RBFOX1: variants seen among roughly 807,000 people sequenced by gnomAD.
RBFOX1 encodes the protein RNA binding fox-1 homolog 1.
RBFOX1 carries 8 observed loss-of-function variants against 57.7 expected under a neutral mutation model. The observed-to-expected ratio is 0.14, with a 90% CI of 0.08 to 0.25. The LOEUF is 0.25. Ranked by LOEUF, RBFOX1 falls within the 10% of genes least tolerant of loss-of-function variation. The pLI, the probability that RBFOX1 is intolerant of heterozygous loss-of-function variation, is 1.00. For missense variants in RBFOX1, 611 were observed against 548.5 expected, an observed-to-expected ratio of 1.11 and a Z score of -1.14; for synonymous variants, 326 against 222.4, an observed-to-expected ratio of 1.47 and a Z score of -4.15.
At chr16:7,510,378 T>C in intron 4 of RBFOX1, 1 of 970,304 alleles carries the variant, frequency 1.0e-6, no homozygotes, top group South Asian at 4.8e-5. Context: ...AGCTGAAAGC[T>C]TTTCTTGTGT....
At chr16:7,203,541 G>C (rs567156646) in intron 4 of RBFOX1, among the ~76,000 whole-genome samples, 2 of 152,204 alleles carry the variant, frequency 1.3e-5, no homozygotes, top group African/African-American at 4.8e-5. Context: ...TAACTTTTAT[G>C]TTGTATTTGT....
At position 6,884,982 on chromosome 16, in the gene RBFOX1, C is replaced by G. The variant is rs11864120; in HGVS notation, c.-15-167075C>G. 5.6e-3 allele frequency among the ~76,000 whole-genome samples: 846 copies of G among 152,284 alleles called. 6 individuals are homozygous for G. Among genetic ancestry groups the G allele is most frequent in the African/African-American group, 0.018 (765 of 41,538 alleles). The stretch of plus-strand genomic sequence containing the variant: ...GACCGCAACCCAGATCTATCTTATT[C>G]TAAAGCTTTGGTTGTTTTCATTTCA... On this transcript the variant is annotated intron_variant, in intron 3 of 15. Transcript: ENST00000550418.
chr16:6,697,698 G>T (rs769307017), intron 3 of RBFOX1, among the ~76,000 whole-genome samples: 2 of 152,126 alleles, frequency 1.3e-5, no homozygotes, highest in Non-Finnish European at 2.9e-5. Context: ...AACAAATGAA[G>T]TTTGGGATGA....
chr16:7,091,334 C>G (rs1395849878), intron 4 of RBFOX1, among the ~76,000 whole-genome samples: 1 of 150,834 alleles, frequency 6.6e-6, no homozygotes, highest in African/African-American at 2.4e-5. Flanking sequence ...TTCACTTTAT[C>G]GTTTCACACT....
chr16:5,852,050 A>G (rs894731529), intron 3 of RBFOX1, among the ~76,000 whole-genome samples: 2 of 152,226 alleles, frequency 1.3e-5, no homozygotes, highest in Non-Finnish European at 2.9e-5. Flanking sequence ...GGGGTGTGAT[A>G]AGGATCAATT....
chr16:7,450,438 T>C (rs1201012289), intron 4 of RBFOX1, among the ~76,000 whole-genome samples: 2 of 147,034 alleles, frequency 1.4e-5, no homozygotes, highest in Non-Finnish European at 3.0e-5. Context: ...GAAAGCAAGT[T>C]CAAAAAGGAG....
At chr16:6,559,108 CAT>C (rs1016906090) in intron 2 of RBFOX1, among the ~76,000 whole-genome samples, 191 of 105,252 alleles carry the variant, frequency 1.8e-3, no homozygotes, top group African/African-American at 8.1e-3. Context: ...TTTATATATA[CAT>C]ATGTGTGTGT....
At chr16:5,541,979 G>A (rs1231679050) in intron 2 of RBFOX1, among the ~76,000 whole-genome samples, 1 of 151,944 alleles carries the variant, frequency 6.6e-6, no homozygotes, top group Non-Finnish European at 1.5e-5. Context: ...TGAGATTTTG[G>A]TGCACCATCA....
At chr16:5,641,050 GCACATACACCCATGCACACCATA>G (rs2048852989) in intron 3 of RBFOX1, among the ~76,000 whole-genome samples, 1 of 140,880 alleles carries the variant, frequency 7.1e-6, no homozygotes, top group Non-Finnish European at 1.5e-5. Context: ...ACACACATAT[GCACATACACCCATGCACACCATA>G]CACACACACA....
chr16:5,300,186 T>C (rs1212487877), intron 1 of RBFOX1, among the ~76,000 whole-genome samples: 4 of 152,206 alleles, frequency 2.6e-5, no homozygotes, highest in Non-Finnish European at 5.9e-5. Context: ...TTTTAATAGA[T>C]TGCTAGATTT....
intron 2 of RBFOX1, among the ~76,000 whole-genome samples, chr16:6,563,219 C>T (rs2097208071): frequency 6.6e-6 from 1 of 152,102 alleles, no homozygotes; most frequent in African/African-American, 2.4e-5. Flanking sequence ...TGCGTGACTT[C>T]CAAGACAATT....
At position 7,401,634 on chromosome 16, in the gene RBFOX1, C is replaced by T. The variant is rs11860320; in HGVS notation, c.28-116513C>T. Among the ~76,000 whole-genome samples, 399 of 152,316 alleles carry T rather than the reference C, an allele frequency of 2.6e-3. 2 individuals are homozygous for T. Among genetic ancestry groups the T allele is most frequent in the African/African-American group, 8.9e-3 (372 of 41,582 alleles). On this transcript the variant is annotated intron_variant, in intron 4 of 15. Coordinates refer to ENST00000550418, the MANE Select transcript of RBFOX1 (RefSeq NM_018723.4). Reference sequence around the variant, plus strand: ...AATAGGTAAATGCATTGATTAGCTTCTTTGAACCCACTTTTCATTATCTAT... The same window carrying T: ...AATAGGTAAATGCATTGATTAGCTTTTTTGAACCCACTTTTCATTATCTAT...
intron 4 of RBFOX1, among the ~76,000 whole-genome samples, chr16:7,308,805 C>G (rs1436617050): frequency 6.6e-6 from 1 of 152,180 alleles, no homozygotes; most frequent in South Asian, 2.1e-4. Flanking sequence ...GCCCCATGCA[C>G]CAGCCACGGT....
At chr16:5,711,065 G>A (rs1030888750) in intron 3 of RBFOX1, among the ~76,000 whole-genome samples, 3 of 152,164 alleles carry the variant, frequency 2.0e-5, no homozygotes, top group African/African-American at 4.8e-5. Flanking sequence ...ATCTGGAAGG[G>A]GAGAGAGTGA....
intron 14 of RBFOX1, among the ~76,000 whole-genome samples, chr16:7,680,130 G>C (rs2074362543): frequency 6.6e-6 from 1 of 152,140 alleles, no homozygotes; most frequent in African/African-American, 2.4e-5. Context: ...ATACGTTCTG[G>C]ATTGGACAGG....
intron 2 of RBFOX1, among the ~76,000 whole-genome samples, chr16:6,459,661 G>A (rs1280430305): frequency 6.6e-6 from 1 of 151,916 alleles, no homozygotes; most frequent in Non-Finnish European, 1.5e-5. Context: ...AAATACCAAT[G>A]TCTTTAGAGT....
In RBFOX1 at chr16:7,330,525, T is replaced by TGTGTAG. The variant is rs1441570396; in HGVS notation, c.28-187622_28-187621insGTGTAG. Among the ~76,000 whole-genome samples the TGTGTAG allele has an allele frequency of 4.5e-5, 6 of 132,906 alleles. No individual in the cohort carries two copies. In the Admixed American group the frequency reaches 4.5e-4, roughly 10 times the overall value. The allele number at this position is 132,906 out of a possible 152,430, so 87.2% of individuals were successfully genotyped here. ...GTGTGTGTGTTTGTGTGTGTGTGTG[T>TGTGTAG]AGAGAGAGAGAGAGAGAGAGAGAAA... On this transcript the variant is annotated intron_variant, in intron 4 of 15. Transcript: ENST00000550418.
intron 1 of RBFOX1, among the ~76,000 whole-genome samples, chr16:6,150,558 TGCAA>T: frequency 6.6e-6 from 1 of 152,182 alleles, no homozygotes; most frequent in East Asian, 1.9e-4. Context: ...TGCTAGCTCT[TGCAA>T]GGCCAACATC....
chr16:6,347,786 C>T (rs532613227), intron 2 of RBFOX1, among the ~76,000 whole-genome samples: 7 of 152,338 alleles, frequency 4.6e-5, no homozygotes, highest in East Asian at 3.9e-4. Flanking sequence ...AGTCTACCTG[C>T]GACTGCCTGG....
Sources: gnomAD v4.1 joint callset for allele counts (sites outside exome capture counted in the v4.1 genomes callset) on GRCh38, gnomAD v4.1.1 for gene constraint, MANE v1.5 for transcripts, NCBI Gene and HGNC (gene_info 2026-07-23, HGNC 2026-07-21) for gene names.